The following LGSN variants were observed in gnomAD, a reference collection of about 807,000 sequenced individuals.
The protein encoded by LGSN is lengsin.
Under a neutral mutation model 19.5 loss-of-function variants are expected in LGSN, and 21 were observed. The ratio of observed to expected loss-of-function variants is 1.07; its 90% CI spans 0.76 to 1.55. The LOEUF is 1.55. LGSN is among the 40% of genes most tolerant of loss of function. LGSN has a pLI of 0.00. For synonymous variants in LGSN, 257 were observed against 215.6 expected (o/e 1.19, Z -1.68); for missense variants, 673 against 608.5 (o/e 1.11, Z -1.12).
the LGSN span, among the ~76,000 whole-genome samples, chr6:63,388,323 A>T: frequency 6.6e-6 from 1 of 152,202 alleles, no homozygotes; most frequent in Non-Finnish European, 1.5e-5. Context: ...CAGCTTCTTG[A>T]TGAGAAAAGT....
At chr6:63,419,211 T>G in the LGSN span, among the ~76,000 whole-genome samples, 1 of 152,162 alleles carries the variant, frequency 6.6e-6, no homozygotes, top group African/African-American at 2.4e-5. Context: ...TTCCAGAGTT[T>G]TATGTTTGTT....
chr6:63,505,633 G>GAAATAAATAAATAAAT, the LGSN span, among the ~76,000 whole-genome samples: 565 of 97,216 alleles, frequency 5.8e-3, 62 homozygotes, highest in African/African-American at 0.014. Flanking sequence ...AAGAAAGAAA[G>GAAATAAATAAATAAAT]AAATTCTGGC....
At chr6:63,423,896 C>T in the LGSN span, among the ~76,000 whole-genome samples, 4 of 151,846 alleles carry the variant, frequency 2.6e-5, no homozygotes, top group Admixed American at 6.6e-5. Context: ...AAAAATTAGC[C>T]GGGCATGGTG....
intron 1 of LGSN, among the ~76,000 whole-genome samples, chr6:63,299,392 G>A (rs1222177161): frequency 6.6e-6 from 1 of 152,148 alleles, no homozygotes; most frequent in Non-Finnish European, 1.5e-5. Context: ...TATCCATCCT[G>A]TCTTAACTGG....
At chr6:63,408,212 A>G in the LGSN span, among the ~76,000 whole-genome samples, 7 of 151,932 alleles carry the variant, frequency 4.6e-5, no homozygotes, top group Admixed American at 2.6e-4. Context: ...AAAAGAGCCC[A>G]CATCGCCAAG....
chr6:63,537,689 T>A, the LGSN span, among the ~76,000 whole-genome samples: 1 of 152,238 alleles, frequency 6.6e-6, no homozygotes, highest in Non-Finnish European at 1.5e-5. Flanking sequence ...CAGTCAAGGT[T>A]GATTAATTCC....
chr6:63,555,939 C>T, the LGSN span, among the ~76,000 whole-genome samples: 2 of 152,190 alleles, frequency 1.3e-5, no homozygotes, highest in Admixed American at 6.5e-5. Context: ...GATCTGCCTG[C>T]CTCAGCCTCC....
the LGSN span, among the ~76,000 whole-genome samples, chr6:63,524,443 C>T: frequency 6.6e-6 from 1 of 151,994 alleles, no homozygotes; most frequent in Non-Finnish European, 1.5e-5. Flanking sequence ...TCAATTTGGG[C>T]CTTTATTATA....
chr6:63,280,413 C>T lies in LGSN; in HGVS notation c.1138G>A (p.Val380Met). The T allele has an allele frequency of 6.2e-7, 1 of 1,614,224 alleles. No individual in the cohort carries two copies. Among genetic ancestry groups the T allele is most frequent in the South Asian group, 1.1e-5 (1 of 91,090 alleles). The change falls in exon 4 of 4, where the codon GTG becomes ATG. Residue 380 changes from valine (V) to methionine (M), a missense_variant. Physicochemically the swap from Val to Met is conservative, Grantham distance 21. Transcript: ENST00000370657. ...SKDRKDLKKS[V>M]PTTWGYNDNS... ...TCATTGTATCCCCATGTTGTAGGCA[C>T]ACTCTTCTTCAGGTCTTTCCTGTCC...
the LGSN span, chr6:63,443,528 T>C: frequency 1.4e-6 from 1 of 692,948 alleles, no homozygotes; most frequent in Non-Finnish European, 1.9e-6. Context: ...TCTGTGACAA[T>C]GTGGTCCAGG....
chr6:63,297,520 A>G (rs1387616383), intron 1 of LGSN, among the ~76,000 whole-genome samples: 1 of 152,166 alleles, frequency 6.6e-6, no homozygotes, highest in Non-Finnish European at 1.5e-5. Flanking sequence ...CAGCATATAA[A>G]CATAGCTATA....
the LGSN span, among the ~76,000 whole-genome samples, chr6:63,450,522 G>A: frequency 6.7e-6 from 1 of 149,156 alleles, no homozygotes; most frequent in Non-Finnish European, 1.5e-5. Context: ...TCAAGCCTGG[G>A]CAACAAGAGC....
At chr6:63,433,707 T>C in the LGSN span, among the ~76,000 whole-genome samples, 11 of 152,246 alleles carry the variant, frequency 7.2e-5, no homozygotes, top group African/African-American at 2.7e-4. Flanking sequence ...CTCTTCAAAG[T>C]AATTCTACCA....
intron 2 of LGSN, among the ~76,000 whole-genome samples, chr6:63,292,852 C>G (rs1359095301): frequency 6.6e-6 from 1 of 152,112 alleles, no homozygotes; most frequent in Non-Finnish European, 1.5e-5. Flanking sequence ...CAGCAAATTA[C>G]CAAAACTAAG....
chr6:63,503,977 C>A, the LGSN span, among the ~76,000 whole-genome samples: 4 of 151,942 alleles, frequency 2.6e-5, no homozygotes, highest in African/African-American at 9.7e-5. Context: ...CAAATAGTAA[C>A]AACAATAATA....
the LGSN span, among the ~76,000 whole-genome samples, chr6:63,445,764 T>A: frequency 6.6e-5 from 10 of 152,222 alleles, no homozygotes; most frequent in Non-Finnish European, 1.5e-4. Context: ...TTATAAACTC[T>A]CATCTGAATT....
chr6:63,328,947 G>C, the LGSN span, among the ~76,000 whole-genome samples: 1 of 152,232 alleles, frequency 6.6e-6, no homozygotes, highest in African/African-American at 2.4e-5. Flanking sequence ...GGATAAGCCA[G>C]TAAAGGCTGT....
the LGSN span, among the ~76,000 whole-genome samples, chr6:63,331,138 AGAG>A: frequency 6.6e-6 from 1 of 152,120 alleles, no homozygotes; most frequent in Non-Finnish European, 1.5e-5. Flanking sequence ...AGGGGAGATT[AGAG>A]GAGGATTATC....
the LGSN span, chr6:63,548,583 G>C: frequency 3.4e-6 from 1 of 295,730 alleles, no homozygotes; most frequent in South Asian, 3.9e-5. Flanking sequence ...AGGGTACCAG[G>C]GTACATGGTA....
Sources: allele counts gnomAD v4.1 joint callset (sites outside exome capture counted in the v4.1 genomes callset), GRCh38; gene constraint gnomAD v4.1.1; transcripts MANE v1.5; gene names NCBI Gene and HGNC (gene_info 2026-07-23, HGNC 2026-07-21).